The following KCNH7 variants were observed in gnomAD, a reference collection of about 807,000 sequenced individuals.
KCNH7 encodes voltage-gated inwardly rectifying potassium channel KCNH7.
KCNH7 carries 49 observed loss-of-function variants against 120.8 expected under a neutral mutation model. That is an observed-to-expected ratio of 0.41 (90% CI 0.32 to 0.51). The LOEUF is 0.51. Ranked by LOEUF, KCNH7 falls within the 20% of genes least tolerant of loss-of-function variation. The pLI is 0.38. For missense variants in KCNH7, 1,097 were observed against 1,446.6 expected (o/e 0.76, Z 3.92); for synonymous variants, 547 against 516.1 (o/e 1.06, Z -0.81).
At chr2:162,372,278 A>G (rs927404827) in intron 15 of KCNH7, among the ~76,000 whole-genome samples, 183 bp from the exon 16 acceptor site, 1 of 152,176 alleles carries the variant, frequency 6.6e-6, no homozygotes, top group Non-Finnish European at 1.5e-5. Context: ...AGTACAGATA[A>G]TCCTAAACAA....
At chr2:162,797,472 G>A (rs1216065322) in intron 2 of KCNH7, 2 of 152,080 alleles carry the variant, frequency 1.3e-5, no homozygotes, top group East Asian at 3.9e-4. Flanking sequence ...ATCAATGAGT[G>A]TCATGGACTG....
At chr2:162,509,521 A>G (rs542121229) in intron 5 of KCNH7, among the ~76,000 whole-genome samples, 1 of 151,670 alleles carries the variant, frequency 6.6e-6, no homozygotes, top group Non-Finnish European at 1.5e-5. Context: ...TAATAATTAA[A>G]CTTTGTAAAA....
At chr2:162,382,596 T>C (rs1686450959) in intron 13 of KCNH7, among the ~76,000 whole-genome samples, 1 of 152,052 alleles carries the variant, frequency 6.6e-6, no homozygotes, top group African/African-American at 2.4e-5. Context: ...TAATTTGTTC[T>C]CTTTTCATTT....
rs552069957 is a variant in KCNH7 at position 162,667,689 on chromosome 2, G to A, written c.308-130609C>T. On this transcript the variant is annotated intron_variant, in intron 2 of 15. Transcript: ENST00000332142. ...AATATTTTAATTCTTCAGATCTACT[G>A]GTTCCAATTCCTAGATAAATCAGGT... 7.9e-4 allele frequency among the ~76,000 whole-genome samples: 120 copies of A among 152,176 alleles called. 1 individual carries two copies. Among genetic ancestry groups the A allele is most frequent in the Middle Eastern group, 3.4e-3 (1 of 292 alleles).
intron 2 of KCNH7, among the ~76,000 whole-genome samples, chr2:162,834,103 T>C (rs1685569929): frequency 6.6e-6 from 1 of 152,084 alleles, no homozygotes; most frequent in East Asian, 1.9e-4. Flanking sequence ...CCAGCTTTTA[T>C]AAATGTAGAG....
intron 2 of KCNH7, among the ~76,000 whole-genome samples, chr2:162,693,369 T>C (rs886518662): frequency 1.3e-5 from 2 of 152,148 alleles, no homozygotes; most frequent in African/African-American, 4.8e-5. Context: ...ATTTTCAAGA[T>C]GGGTGTGGTG....
At chr2:162,380,652 A>T (rs1686384477) in intron 13 of KCNH7, among the ~76,000 whole-genome samples, 1 of 152,012 alleles carries the variant, frequency 6.6e-6, no homozygotes, top group Non-Finnish European at 1.5e-5. Flanking sequence ...CCTTTACCAT[A>T]ATTATATTGC....
intron 2 of KCNH7, among the ~76,000 whole-genome samples, chr2:162,685,032 T>C (rs1464655814): frequency 6.6e-6 from 1 of 151,992 alleles, no homozygotes; most frequent in Admixed American, 6.6e-5. Flanking sequence ...AAAGGATGAG[T>C]TCATGTCCTT....
At chr2:162,444,979 A>C (rs1403190908) in intron 7 of KCNH7, among the ~76,000 whole-genome samples, 1 of 152,118 alleles carries the variant, frequency 6.6e-6, no homozygotes, top group Non-Finnish European at 1.5e-5. Context: ...AGATGAGGAA[A>C]GTCAGGTTGG....
At chr2:162,407,307 T>C (rs1360438386) in intron 9 of KCNH7, among the ~76,000 whole-genome samples, 2 of 152,072 alleles carry the variant, frequency 1.3e-5, no homozygotes, top group Non-Finnish European at 2.9e-5. Flanking sequence ...GAACCAGTTT[T>C]GATAATGTAA....
At chr2:162,373,266 T>G (rs1178547118) in intron 15 of KCNH7, among the ~76,000 whole-genome samples, 1 of 152,182 alleles carries the variant, frequency 6.6e-6, no homozygotes, top group African/African-American at 2.4e-5. Context: ...TTCATTGTTC[T>G]CAAACTTTAA....
Position 162,787,705 on chromosome 2 carries a change from G to A in KCNH7, c.307+48832C>T, listed in dbSNP as rs574543373. On this transcript the variant is annotated intron_variant, in intron 2 of 15. Coordinates refer to ENST00000332142, the MANE Select transcript of KCNH7 (RefSeq NM_033272.4). ...CGGCCCCCACTGACTCAGACTCAAG[G>A]CCCAGATAACATCAGTTCAGATGCT... 8.5e-5 allele frequency among the ~76,000 whole-genome samples: 13 copies of A among 152,216 alleles called. No individual in the cohort carries two copies. In the East Asian group the frequency reaches 2.3e-3, roughly 27 times the overall value.
At chr2:162,396,644 T>G in intron 11 of KCNH7, 96 bp downstream of exon 11, 1 of 824,396 alleles carries the variant, frequency 1.2e-6, no homozygotes, top group Non-Finnish European at 1.9e-6. Flanking sequence ...AAAGTCTTGC[T>G]GCAATATTTT....
At position 162,566,387 on chromosome 2, in the gene KCNH7, T is replaced by C. The variant is rs192634046; in HGVS notation, c.308-29307A>G. Among the ~76,000 whole-genome samples the C allele has an allele frequency of 9.2e-4, 139 of 151,878 alleles. No homozygotes were observed. In the East Asian group the frequency reaches 0.022, roughly 24 times the overall value. On this transcript the variant is annotated intron_variant, in intron 2 of 15. Transcript: ENST00000332142. Reference sequence around the variant, plus strand: ...GTGTTCAATAAATGCTTTGTAACCATGTACAGCTCATTTATTTATAACAAT... The same window carrying C: ...GTGTTCAATAAATGCTTTGTAACCACGTACAGCTCATTTATTTATAACAAT...
intron 2 of KCNH7, among the ~76,000 whole-genome samples, chr2:162,704,685 C>T (rs1462412421): frequency 6.6e-6 from 1 of 152,216 alleles, no homozygotes; most frequent in Non-Finnish European, 1.5e-5. Flanking sequence ...TTTCCATCTC[C>T]TTTTCCAGGT....
chr2:162,668,874 C>T (rs1471878274), intron 2 of KCNH7, among the ~76,000 whole-genome samples: 1 of 152,022 alleles, frequency 6.6e-6, no homozygotes, highest in African/African-American at 2.4e-5. Context: ...TTTAAAATGG[C>T]TGACAAATTT....
intron 9 of KCNH7, among the ~76,000 whole-genome samples, chr2:162,417,619 A>G (rs1301922230): frequency 5.3e-5 from 8 of 152,100 alleles, no homozygotes; most frequent in Admixed American, 2.6e-4. Flanking sequence ...ACTTTTTGTA[A>G]TATGGAAAGC....
chr2:162,710,796 A>C (rs1045220599), intron 2 of KCNH7, among the ~76,000 whole-genome samples: 1 of 152,190 alleles, frequency 6.6e-6, no homozygotes, highest in Non-Finnish European at 1.5e-5. Flanking sequence ...TAGTGCAACC[A>C]GATCTTCCAA....
chr2:162,375,585 T>C (rs186672563), intron 14 of KCNH7, among the ~76,000 whole-genome samples: 1 of 152,078 alleles, frequency 6.6e-6, no homozygotes, highest in East Asian at 1.9e-4. Flanking sequence ...TTTATATGCA[T>C]AGGGTTGTAT....
Sources: gnomAD v4.1 joint callset for allele counts (sites outside exome capture counted in the v4.1 genomes callset) on GRCh38, gnomAD v4.1.1 for gene constraint, MANE v1.5 for transcripts, NCBI Gene and HGNC (gene_info 2026-07-23, HGNC 2026-07-21) for gene names.